The following STK31 variants were observed in gnomAD, a reference collection of about 807,000 sequenced individuals.
STK31 encodes the protein serine/threonine-protein kinase 31.
In STK31, 89 loss-of-function variants were observed where a neutral mutation model predicts 129.7. That is an observed-to-expected ratio of 0.69 (90% confidence interval 0.58 to 0.82). The LOEUF (loss-of-function observed/expected upper bound fraction) is 0.82, where lower values mean the gene tolerates loss of function less well. Ranked by LOEUF, STK31 falls within the 40% of genes least tolerant of loss-of-function variation. The probability of loss-of-function intolerance (pLI) is 0.00; values close to 1 mark genes in which losing one functional copy is unlikely to be tolerated. For synonymous variants in STK31, 448 were observed against 395.3 expected, an observed-to-expected ratio of 1.13 and a Z score of -1.58; for missense variants, 1,187 against 1,176.4, an observed-to-expected ratio of 1.01 and a Z score of -0.13.
intron 20 of STK31, among the ~76,000 whole-genome samples, 178 bp from the exon 21 acceptor site, chr7:23,787,799 CATG>C (rs1183076009): frequency 6.6e-6 from 1 of 151,676 alleles, no homozygotes; most frequent in Admixed American, 6.6e-5. Context: ...CACAGGCACA[CATG>C]GTATCACCAT....
At chr7:23,748,471 G>T (rs1184418470) in intron 8 of STK31, among the ~76,000 whole-genome samples, 1 of 152,130 alleles carries the variant, frequency 6.6e-6, no homozygotes, top group Admixed American at 6.6e-5. Context: ...TGAACTACAT[G>T]GGTCCACTTA....
At position 23,783,622 on chromosome 7, in the gene STK31, C is replaced by A. The variant is rs747194001; in HGVS notation, c.2107C>A (p.Leu703Met). The change falls in exon 17 of 24, where the codon CTG becomes ATG. Residue 703 changes from leucine to methionine, a missense_variant. Physicochemically the swap from Leu to Met is conservative, Grantham distance 15. Around this residue, in one of 5 missense-constraint regions of STK31, gnomAD observed 975 missense variants for 934.9 expected, o/e 1.04. Coordinates refer to ENST00000355870, the MANE Select transcript of STK31 (RefSeq NM_031414.5). ...TTTGGCACAGAAATGGTTCCCTGAG[C>A]TGCCTCTGCTTCATCCTGAAATAGG... ...TSLAQKWFPE[L>M]PLLHPEIGLL... 7 of 1,611,926 alleles carry A rather than the reference C, an allele frequency of 4.3e-6. No homozygotes were observed. In the South Asian group the frequency reaches 6.6e-5, roughly 15 times the overall value.
chr7:23,786,008 T>A (rs1791259626), intron 18 of STK31, among the ~76,000 whole-genome samples: 1 of 151,850 alleles, frequency 6.6e-6, no homozygotes, highest in South Asian at 2.1e-4. Context: ...AAAATAAGTA[T>A]ATAAAAGTCA....
At chr7:23,786,772 A>G in intron 19 of STK31, 66 bp from the exon 20 acceptor site, 2 of 1,558,560 alleles carry the variant, frequency 1.3e-6, no homozygotes, top group Admixed American at 3.6e-5. Context: ...CCATAGAATC[A>G]ATGTATGCTA....
At chr7:23,759,965 T>C (rs1789357108) in intron 10 of STK31, among the ~76,000 whole-genome samples, 1 of 152,158 alleles carries the variant, frequency 6.6e-6, no homozygotes, top group Non-Finnish European at 1.5e-5. Flanking sequence ...GAGTGGTGTG[T>C]TTTATGCATG....
At chr7:23,721,472 C>T in intron 4 of STK31, 1 of 1,065,222 alleles carries the variant, frequency 9.4e-7, no homozygotes, top group Admixed American at 1.8e-5. Context: ...ATCCTCCTCT[C>T]TGTCCAGAGG....
At chr7:23,744,765 G>C (rs1328787156) in intron 8 of STK31, among the ~76,000 whole-genome samples, 1 of 152,202 alleles carries the variant, frequency 6.6e-6, no homozygotes, top group Non-Finnish European at 1.5e-5. Flanking sequence ...TTGTTAGTGG[G>C]GGCTGCGGAG....
chr7:23,787,436 C>T (rs970953969), intron 20 of STK31, among the ~76,000 whole-genome samples: 11 of 152,048 alleles, frequency 7.2e-5, no homozygotes, highest in South Asian at 2.1e-4. Flanking sequence ...GACCCCAGGT[C>T]GCAGACTGGT....
At chr7:23,754,593 T>C in intron 10 of STK31, 119 bp downstream of exon 10, 2 of 1,094,864 alleles carry the variant, frequency 1.8e-6, no homozygotes, top group Non-Finnish European at 2.6e-6. Flanking sequence ...ATTTGTTACA[T>C]AGGTATACAT....
At chr7:23,773,717 T>G (rs1051410850) in intron 15 of STK31, among the ~76,000 whole-genome samples, 6 of 138,534 alleles carry the variant, frequency 4.3e-5, no homozygotes, top group African/African-American at 1.5e-4. Flanking sequence ...GTTTCCTGAC[T>G]TGTGTGTGTG....
chr7:23,826,101 A>G (rs951699761), intron 23 of STK31, among the ~76,000 whole-genome samples: 3 of 152,144 alleles, frequency 2.0e-5, no homozygotes, highest in Admixed American at 6.5e-5. Flanking sequence ...AGTTCTGTAG[A>G]TGTCTATTAG....
At chr7:23,766,373 A>G (rs1584409571) in intron 11 of STK31, among the ~76,000 whole-genome samples, 1 of 151,954 alleles carries the variant, frequency 6.6e-6, no homozygotes, top group African/African-American at 2.4e-5. Flanking sequence ...AGCAATTCTC[A>G]TGCCTCAACC....
chr7:23,720,690 T>G (rs1786640354), intron 4 of STK31, among the ~76,000 whole-genome samples: 1 of 152,194 alleles, frequency 6.6e-6, no homozygotes, highest in Non-Finnish European at 1.5e-5. Flanking sequence ...GAAGCAGATA[T>G]TTTACCCATG....
chr7:23,829,621 T>C (rs1233809416), intron 23 of STK31, among the ~76,000 whole-genome samples: 1 of 152,236 alleles, frequency 6.6e-6, no homozygotes, highest in African/African-American at 2.4e-5. Context: ...GGTTTTGGTA[T>C]CAAGGTAATG....
Position 23,779,310 on chromosome 7 carries a change from T to G in STK31, c.1966-2109T>G, listed in dbSNP as rs545718734. On this transcript the variant is annotated intron_variant, in intron 15 of 23. Transcript: ENST00000355870. ...GGGAGGTGTCTTCCAGTCAGGAGGA[T>G]GGGGGTCAGGGACCCACTTGAGGAG... Among the ~76,000 whole-genome samples, 9 of 152,246 alleles carry G rather than the reference T, an allele frequency of 5.9e-5. No homozygotes were observed. In the South Asian group the frequency reaches 1.9e-3, roughly 32 times the overall value.
At chr7:23,719,692 T>A (rs952449952) in intron 4 of STK31, among the ~76,000 whole-genome samples, 1 of 152,150 alleles carries the variant, frequency 6.6e-6, no homozygotes, top group African/African-American at 2.4e-5. Flanking sequence ...ATAAAACAGA[T>A]ACCTTCCATG....
Position 23,772,246 on chromosome 7 carries a change from T to C in STK31, c.1933T>C (p.Trp645Arg). 2.5e-6 allele frequency: 4 copies of C among 1,607,192 alleles called. No individual in the cohort carries two copies. The highest frequency in any genetic ancestry group is 1.7e-6 in the Non-Finnish European group (2 of 1,177,560). Reference protein sequence around the residue: ...TLKSLKALLRWKLVEKSNLEE... With the variant: ...TLKSLKALLRRKLVEKSNLEE... ...GAAAAGCTTAAAAGCTCTACTCAGATGGAAATTGGTTGAAAAGAGTAATTT... is the reference window on the plus strand; with the variant it reads ...GAAAAGCTTAAAAGCTCTACTCAGACGGAAATTGGTTGAAAAGAGTAATTT... The change falls in exon 15 of 24, where the codon TGG (tryptophan) becomes CGG (arginine). Residue 645 changes from tryptophan (W) to arginine (R), a missense_variant. By Grantham distance (101) the Trp-to-Arg change is moderately radical. Coordinates refer to ENST00000355870, the MANE Select transcript of STK31 (RefSeq NM_031414.5).
rs200123761 is a variant in STK31 at position 23,771,120 on chromosome 7, T to C, written c.1829T>C (p.Ile610Thr). 35 of 1,579,504 alleles carry C rather than the reference T, an allele frequency of 2.2e-5. No individual in the cohort carries two copies. The highest frequency in any genetic ancestry group is 1.5e-4 in the Admixed American group (8 of 52,270). Residue 610 changes from isoleucine to threonine, a missense_variant, in exon 14 of 24, where the codon ATT becomes ACT. By Grantham distance (89) the Ile-to-Thr change is moderately conservative. Around this residue, in one of 5 missense-constraint regions of STK31, gnomAD observed 975 missense variants for 934.9 expected, o/e 1.04. Transcript: ENST00000355870. ...ATVQAKYKDSIEFKKQLIEYL... is the reference protein window; with the variant it reads ...ATVQAKYKDSTEFKKQLIEYL... Reference sequence around the variant, plus strand: ...GTACAAGCTAAGTACAAGGACAGTATTGAGGTTTGATTGTGCTTTCTCTTA... The same window carrying C: ...GTACAAGCTAAGTACAAGGACAGTACTGAGGTTTGATTGTGCTTTCTCTTA...
At chr7:23,781,945 T>C (rs987262890) in intron 16 of STK31, among the ~76,000 whole-genome samples, 9 of 152,208 alleles carry the variant, frequency 5.9e-5, no homozygotes, top group African/African-American at 2.2e-4. Flanking sequence ...TCCCATAATG[T>C]TGCAGTGAAA....
Sources: allele counts gnomAD v4.1 joint callset (sites outside exome capture counted in the v4.1 genomes callset), GRCh38; gene constraint gnomAD v4.1.1; regional missense constraint gnomAD v4.1.1; transcripts MANE v1.5; gene names NCBI Gene and HGNC (gene_info 2026-07-23, HGNC 2026-07-21).